The following CFAP299 variants were observed in gnomAD, a reference collection of about 807,000 sequenced individuals.
The protein encoded by CFAP299 is cilia- and flagella-associated protein 299.
In CFAP299, 21 loss-of-function variants were observed where a neutral mutation model predicts 27.0. The observed-to-expected ratio is 0.78, with a 90% CI of 0.55 to 1.12. The LOEUF is 1.12. CFAP299 is among the 50% of genes most tolerant of loss of function. The pLI, the probability that CFAP299 is intolerant of heterozygous loss-of-function variation, is 0.00. For synonymous variants in CFAP299, 104 were observed against 98.1 expected (o/e 1.06, Z -0.36); for missense variants, 310 against 276.6 (o/e 1.12, Z -0.86).
intron 2 of CFAP299, among the ~76,000 whole-genome samples, chr4:80,417,690 T>C (rs1391979934): frequency 6.6e-6 from 1 of 152,224 alleles, no homozygotes; most frequent in Non-Finnish European, 1.5e-5. Flanking sequence ...AGATGAAGGA[T>C]GATGCATTGT....
intron 3 of CFAP299, among the ~76,000 whole-genome samples, chr4:80,807,512 A>G (rs1373437928): frequency 1.3e-5 from 2 of 152,112 alleles, no homozygotes; most frequent in Non-Finnish European, 2.9e-5. Flanking sequence ...AGAAAACTCA[A>G]TGACTCAAAT....
At chr4:80,771,086 A>G (rs1392048675) in intron 3 of CFAP299, among the ~76,000 whole-genome samples, 7 of 152,130 alleles carry the variant, frequency 4.6e-5, no homozygotes, top group Admixed American at 3.9e-4. Context: ...TATCCTAGGC[A>G]TGCGTAACAG....
chr4:80,463,838 T>A (rs1729576106), intron 2 of CFAP299, among the ~76,000 whole-genome samples: 1 of 152,164 alleles, frequency 6.6e-6, no homozygotes, highest in Admixed American at 6.6e-5. Context: ...GGAAGTTCAC[T>A]GAAGTCATGT....
In CFAP299 at chr4:80,959,829, A is replaced by G. The variant is rs141495926; in HGVS notation, c.607-3688A>G. 5.8e-3 allele frequency among the ~76,000 whole-genome samples: 888 copies of G among 152,070 alleles called. 6 individuals carry two copies. Among genetic ancestry groups the G allele is most frequent in the African/African-American group, 0.021 (864 of 41,562 alleles). ...TATGAATGGCAAAAATCAGAAAAAA[A>G]TAATAGAGGACATTTGGACATTTGA... On this transcript the variant is annotated intron_variant, in intron 5 of 5. Transcript: ENST00000358105.
intron 3 of CFAP299, among the ~76,000 whole-genome samples, chr4:80,671,145 C>A (rs1319992346): frequency 6.6e-6 from 1 of 152,112 alleles, no homozygotes. Flanking sequence ...AGTATTTAAT[C>A]CATCTTGAAT....
chr4:80,700,128 G>T (rs1721379579), intron 3 of CFAP299, among the ~76,000 whole-genome samples: 1 of 152,106 alleles, frequency 6.6e-6, no homozygotes, highest in African/African-American at 2.4e-5. Flanking sequence ...CCATCTTTCT[G>T]ATCACCATGC....
rs1464271415 is a variant in CFAP299, at chr4:80,651,013, T to TA, written c.333+67838dup. 2.0e-5 allele frequency among the ~76,000 whole-genome samples: 3 copies of TA among 151,914 alleles called. No individual in the cohort carries two copies. In the East Asian group the frequency reaches 5.8e-4, roughly 29 times the overall value. Reference sequence around the variant, plus strand: ...CCTGTTCTCCAATAACCTATGGAAATAAAAAAAATTAAAAAAATATTTTTT... The same window carrying TA: ...CCTGTTCTCCAATAACCTATGGAAATAAAAAAAAATTAAAAAAATATTTTTT... On this transcript the variant is annotated intron_variant, in intron 3 of 5. Transcript: ENST00000358105.
chr4:80,589,267 A>C lies in CFAP299; in HGVS notation c.333+6084A>C, dbSNP rs530138910. 1.5e-4 allele frequency among the ~76,000 whole-genome samples: 23 copies of C among 152,256 alleles called. No individual in the cohort carries two copies. In the South Asian group the frequency reaches 4.8e-3, roughly 32 times the overall value. Reference sequence around the variant, plus strand: ...TTGCCCAGTGTTCATGGTAAAACTCATGTTTAAACTCAAGCAATCTGGGTC... The same window carrying C: ...TTGCCCAGTGTTCATGGTAAAACTCCTGTTTAAACTCAAGCAATCTGGGTC... On this transcript the variant is annotated intron_variant, in intron 3 of 5. Transcript: ENST00000358105.
chr4:80,794,788 C>A (rs184750198), intron 3 of CFAP299, among the ~76,000 whole-genome samples: 1 of 152,126 alleles, frequency 6.6e-6, no homozygotes, highest in Non-Finnish European at 1.5e-5. Context: ...TATATTCCAG[C>A]GAGGACAATA....
intron 4 of CFAP299, among the ~76,000 whole-genome samples, chr4:80,877,585 CA>C (rs912405719): frequency 6.6e-6 from 1 of 152,092 alleles, no homozygotes; most frequent in Non-Finnish European, 1.5e-5. Flanking sequence ...AGAGATCTCA[CA>C]AAACCTCTAG....
chr4:80,542,887 C>G (rs1003569565), intron 2 of CFAP299, among the ~76,000 whole-genome samples: 8 of 152,016 alleles, frequency 5.3e-5, no homozygotes, highest in African/African-American at 1.9e-4. Flanking sequence ...CAGAGTGCTT[C>G]TCACCTGCAT....
intron 2 of CFAP299, among the ~76,000 whole-genome samples, chr4:80,460,326 C>T (rs146649603): frequency 1.4e-3 from 206 of 152,282 alleles, no homozygotes; most frequent in African/African-American, 4.5e-3. Flanking sequence ...TTTTTCTCTA[C>T]AGATGCAAAT....
chr4:80,691,554 G>A (rs1379677705), intron 3 of CFAP299, among the ~76,000 whole-genome samples: 142 of 151,748 alleles, frequency 9.4e-4, no homozygotes, highest in Non-Finnish European at 1.4e-3. Context: ...CAAAATAATA[G>A]GAGCTATCTA....
intron 3 of CFAP299, among the ~76,000 whole-genome samples, chr4:80,746,482 T>C (rs964391385): frequency 6.6e-6 from 1 of 152,122 alleles, no homozygotes. Context: ...ATTTTGCATA[T>C]GGTTTCACTA....
intron 2 of CFAP299, among the ~76,000 whole-genome samples, chr4:80,438,010 A>G (rs976372732): frequency 6.6e-6 from 1 of 152,218 alleles, no homozygotes; most frequent in Non-Finnish European, 1.5e-5. Context: ...GTAAGCATTG[A>G]GAAGTGAACA....
intron 3 of CFAP299, among the ~76,000 whole-genome samples, chr4:80,800,519 T>TATATTGATATATTA (rs1728458845): frequency 7.2e-5 from 2 of 27,688 alleles, no homozygotes; most frequent in African/African-American, 3.0e-4. Context: ...TAATATATAA[T>TATATTGATATATTA]ATATAATATA....
At chr4:80,441,232 C>T (rs1327124171) in intron 2 of CFAP299, among the ~76,000 whole-genome samples, 1 of 152,074 alleles carries the variant, frequency 6.6e-6, no homozygotes, top group Non-Finnish European at 1.5e-5. Context: ...TTGAGAAGAC[C>T]AACCCCAAGA....
At chr4:80,457,879 T>C (rs1729244142) in intron 2 of CFAP299, among the ~76,000 whole-genome samples, 1 of 152,222 alleles carries the variant, frequency 6.6e-6, no homozygotes, top group East Asian at 1.9e-4. Context: ...GTTGATTTTC[T>C]GAAACGTTAC....
chr4:80,925,395 A>G (rs1736258582), intron 4 of CFAP299, among the ~76,000 whole-genome samples: 2 of 151,988 alleles, frequency 1.3e-5, no homozygotes, highest in African/African-American at 4.8e-5. Context: ...GATCTCTGCT[A>G]TTTAGTCTCC....
Sources: allele counts gnomAD v4.1 joint callset (sites outside exome capture counted in the v4.1 genomes callset), GRCh38; gene constraint gnomAD v4.1.1; transcripts MANE v1.5; gene names NCBI Gene and HGNC (gene_info 2026-07-23, HGNC 2026-07-21).